GRIK4: variants seen among roughly 807,000 people sequenced by gnomAD.
GRIK4 encodes the protein glutamate receptor ionotropic, kainate 4.
A neutral mutation model predicts 104.9 loss-of-function variants in GRIK4; 40 were observed. That is an observed-to-expected ratio of 0.38 (90% CI 0.30 to 0.50). The LOEUF (loss-of-function observed/expected upper bound fraction) is 0.50. Among genes scored for constraint, GRIK4 ranks in the 20% least tolerant of loss-of-function variants. The pLI, the probability that GRIK4 is intolerant of heterozygous loss-of-function variation, is 0.93. For synonymous variants in GRIK4, 485 were observed against 524.9 expected, an observed-to-expected ratio of 0.92 and a Z score of 1.04; for missense variants, 1,047 against 1,308.1, an observed-to-expected ratio of 0.80 and a Z score of 3.08.
chr11:120,562,041 A>T (rs1948244679), intron 1 of GRIK4, among the ~76,000 whole-genome samples: 1 of 152,218 alleles, frequency 6.6e-6, no homozygotes, highest in Non-Finnish European at 1.5e-5. Context: ...AGTTGTTAGA[A>T]TGTGCCAGAT....
intron 11 of GRIK4, among the ~76,000 whole-genome samples, chr11:120,889,589 A>ATTTTTTTTTTTTTTTTTTT (rs369264259): frequency 1.6e-5 from 1 of 62,452 alleles, no homozygotes; most frequent in Non-Finnish European, 2.9e-5. Flanking sequence ...AAGAGCTTAC[A>ATTTTTTTTTTTTTTTTTTT]TTTTTTTTTT....
intron 1 of GRIK4, among the ~76,000 whole-genome samples, chr11:120,591,835 T>TCCTCCTCTTCTTGCATCCCTC (rs1948737537): frequency 6.7e-6 from 1 of 150,190 alleles, no homozygotes; most frequent in African/African-American, 2.4e-5. Flanking sequence ...CCTGCATCCC[T>TCCTCCTCTTCTTGCATCCCTC]CCTCCTCTTC....
At chr11:120,790,547 G>C (rs142349759) in intron 3 of GRIK4, among the ~76,000 whole-genome samples, 3 of 152,292 alleles carry the variant, frequency 2.0e-5, no homozygotes, top group Non-Finnish European at 4.4e-5. Flanking sequence ...GCAGCATGCT[G>C]TATTCAGTGT....
chr11:120,830,111 G>A (rs1263176037), intron 6 of GRIK4, among the ~76,000 whole-genome samples: 5 of 151,756 alleles, frequency 3.3e-5, no homozygotes, highest in Non-Finnish European at 7.4e-5. Context: ...AGACGGGTTG[G>A]CAGCACCTTC....
chr11:120,526,815 C>T (rs1289672885), intron 1 of GRIK4, among the ~76,000 whole-genome samples: 1 of 152,108 alleles, frequency 6.6e-6, no homozygotes, highest in African/African-American at 2.4e-5. Context: ...CACCATTGCA[C>T]TCCAGCCTGT....
At chr11:120,910,761 G>A (rs965386422) in intron 13 of GRIK4, among the ~76,000 whole-genome samples, 2 of 152,176 alleles carry the variant, frequency 1.3e-5, no homozygotes, top group Non-Finnish European at 2.9e-5. Context: ...GGCCCCATTC[G>A]GGTGAGAGCA....
intron 11 of GRIK4, among the ~76,000 whole-genome samples, chr11:120,885,992 C>T (rs938389973): frequency 3.9e-5 from 6 of 152,158 alleles, no homozygotes; most frequent in South Asian, 2.1e-4. Context: ...TTATGCCAGA[C>T]GTTGGGGATT....
chr11:120,738,695 A>C (rs925457449), intron 3 of GRIK4, among the ~76,000 whole-genome samples: 4 of 152,240 alleles, frequency 2.6e-5, no homozygotes, highest in African/African-American at 9.6e-5. Context: ...GGGCAACAGC[A>C]GCCAACTGCT....
chr11:120,816,404 G>T (rs767861941), intron 5 of GRIK4, among the ~76,000 whole-genome samples: 1 of 152,076 alleles, frequency 6.6e-6, no homozygotes. Context: ...CAGGAGCTGG[G>T]TGGGGGCGGG....
chr11:120,951,003 A>G (rs185729601), intron 14 of GRIK4, among the ~76,000 whole-genome samples: 66 of 152,264 alleles, frequency 4.3e-4, no homozygotes, highest in African/African-American at 1.5e-3. Flanking sequence ...AGAACTTGCA[A>G]TTGGTATCAA....
intron 1 of GRIK4, among the ~76,000 whole-genome samples, chr11:120,531,204 G>A (rs937474524): frequency 3.9e-5 from 6 of 152,226 alleles, no homozygotes; most frequent in African/African-American, 1.4e-4. Flanking sequence ...ATTCTTATGT[G>A]TAAATGCTAC....
At chr11:120,779,920 C>G (rs1396593168) in intron 3 of GRIK4, among the ~76,000 whole-genome samples, 2 of 152,216 alleles carry the variant, frequency 1.3e-5, no homozygotes, top group Non-Finnish European at 2.9e-5. Flanking sequence ...TTTAATTCCT[C>G]AACATGTCTG....
At chr11:120,518,969 G>T (rs562391693) in intron 1 of GRIK4, among the ~76,000 whole-genome samples, 1 of 152,294 alleles carries the variant, frequency 6.6e-6, no homozygotes, top group South Asian at 2.1e-4. Context: ...GAGCGAAAGT[G>T]CTGGAAAAGA....
rs1315121203 is a variant in GRIK4 at position 120,891,429 on chromosome 11, C to G, written c.1165-7103C>G. 2.0e-5 allele frequency among the ~76,000 whole-genome samples: 3 copies of G among 152,332 alleles called. No individual in the cohort carries two copies. The East Asian group carries it at 5.8e-4, about 29-fold the overall frequency. On this transcript the variant is annotated intron_variant, in intron 11 of 20. Transcript: ENST00000527524. ...AGAAAGCATGGGTTTACATCCCCATCTTGGTACTTAGCAGCATGTGACTTT... is the reference window on the plus strand; with the variant it reads ...AGAAAGCATGGGTTTACATCCCCATGTTGGTACTTAGCAGCATGTGACTTT...
Position 120,547,897 on chromosome 11 carries a change from G to T in GRIK4, c.-159+36010G>T, listed in dbSNP as rs143639868. On this transcript the variant is annotated intron_variant, in intron 1 of 20. Coordinates refer to ENST00000527524, the MANE Select transcript of GRIK4 (RefSeq NM_014619.5). ...AAGAACTCATTAGCGGGATAAATAT[G>T]CCGGGTATGAGGGGAGTCTGCAGCC... 8.5e-3 allele frequency among the ~76,000 whole-genome samples: 1,301 copies of T among 152,326 alleles called. 9 individuals are homozygous for T. The highest frequency in any genetic ancestry group is 0.015 in the South Asian group (72 of 4,828).
intron 11 of GRIK4, among the ~76,000 whole-genome samples, chr11:120,896,995 A>G (rs1942599673): frequency 6.6e-6 from 1 of 152,180 alleles, no homozygotes; most frequent in African/African-American, 2.4e-5. Context: ...GTATATAGAT[A>G]TGTGTGTGTG....
At chr11:120,702,197 G>A (rs1051268885) in intron 3 of GRIK4, among the ~76,000 whole-genome samples, 1 of 152,064 alleles carries the variant, frequency 6.6e-6, no homozygotes, top group Non-Finnish European at 1.5e-5. Flanking sequence ...CTTGTGATCC[G>A]CAGGCCTCGG....
At chr11:120,955,917 T>G (rs1368599219) in intron 15 of GRIK4, among the ~76,000 whole-genome samples, 1 of 151,568 alleles carries the variant, frequency 6.6e-6, no homozygotes, top group Non-Finnish European at 1.5e-5. Flanking sequence ...ACTGGCCCGG[T>G]GGCACCAGCA....
rs149782475 is a variant in GRIK4 at position 120,597,820 on chromosome 11, A to G, written c.-158-55865A>G. On this transcript the variant is annotated intron_variant, in intron 1 of 20. Coordinates refer to ENST00000527524, the MANE Select transcript of GRIK4 (RefSeq NM_014619.5). ...TAGCGACCTCTGTGAGATCTCCCCA[A>G]AGTTGTTCTCCAGCCCAATTAGAAA... Among the ~76,000 whole-genome samples the G allele has an allele frequency of 1.7e-4, 26 of 152,162 alleles. 1 individual carries two copies. Among genetic ancestry groups the G allele is most frequent in the Admixed American group, 1.2e-3 (19 of 15,278 alleles).
Sources: allele counts gnomAD v4.1 joint callset (sites outside exome capture counted in the v4.1 genomes callset), GRCh38; gene constraint gnomAD v4.1.1; transcripts MANE v1.5; gene names NCBI Gene and HGNC (gene_info 2026-07-23, HGNC 2026-07-21).